The following SHISA9 variants were observed in gnomAD, a reference collection of about 807,000 sequenced individuals.
SHISA9 encodes protein shisa-9.
SHISA9 carries 13 observed loss-of-function variants against 38.0 expected under a neutral mutation model. That is an observed-to-expected ratio of 0.34 (90% CI 0.22 to 0.54). The LOEUF is 0.54. Ranked by LOEUF, SHISA9 falls within the 20% of genes least tolerant of loss-of-function variation. The pLI is 0.91. For synonymous variants in SHISA9, 275 were observed against 242.0 expected (o/e 1.14, Z -1.27); for missense variants, 538 against 575.8 (o/e 0.93, Z 0.67).
intron 4 of SHISA9, among the ~76,000 whole-genome samples, chr16:13,225,205 C>T (rs1180258630): frequency 1.3e-5 from 2 of 152,162 alleles, no homozygotes; most frequent in East Asian, 1.9e-4. Flanking sequence ...TGCCAGCAAC[C>T]ACCAGAAATT....
intron 2 of SHISA9, among the ~76,000 whole-genome samples, chr16:12,966,857 A>G (rs1423985759): frequency 6.6e-6 from 1 of 152,252 alleles, no homozygotes; most frequent in Non-Finnish European, 1.5e-5. Flanking sequence ...CTGGGTGGTT[A>G]AATATTCATC....
intron 2 of SHISA9, among the ~76,000 whole-genome samples, chr16:13,058,032 T>C (rs1226415476): frequency 6.6e-6 from 1 of 152,206 alleles, no homozygotes; most frequent in African/African-American, 2.4e-5. Flanking sequence ...GTTAAATAAG[T>C]GATTCTTAAT....
At chr16:13,264,653 T>G in the SHISA9 span, among the ~76,000 whole-genome samples, 5 of 152,180 alleles carry the variant, frequency 3.3e-5, no homozygotes, top group Admixed American at 3.3e-4. Context: ...AGTCTTGAGT[T>G]GATTTTTAGA....
chr16:12,937,678 T>C (rs1022031319), intron 2 of SHISA9, among the ~76,000 whole-genome samples: 1 of 152,192 alleles, frequency 6.6e-6, no homozygotes, highest in African/African-American at 2.4e-5. Flanking sequence ...ACTCTGGTGT[T>C]TCTTCCTCTT....
At chr16:13,475,783 T>A in the SHISA9 span, among the ~76,000 whole-genome samples, 1 of 152,152 alleles carries the variant, frequency 6.6e-6, no homozygotes, top group Non-Finnish European at 1.5e-5. Flanking sequence ...AACTAGACAG[T>A]CCCATATGGT....
chr16:13,416,778 AGGAAGGAAGGAAG>A, the SHISA9 span, among the ~76,000 whole-genome samples: 58 of 121,560 alleles, frequency 4.8e-4, 1 homozygote, highest in Admixed American at 4.3e-3. Flanking sequence ...AAGGAAGGGA[AGGAAGGAAGGAAG>A]GGAAGGAAGG....
intron 2 of SHISA9, among the ~76,000 whole-genome samples, chr16:12,938,862 G>A (rs2071570405): frequency 6.6e-6 from 1 of 152,026 alleles, no homozygotes; most frequent in Admixed American, 6.6e-5. Flanking sequence ...ATTTTCCTAG[G>A]AGTCTGTAGT....
chr16:13,221,329 A>T (rs1455281322), intron 4 of SHISA9, among the ~76,000 whole-genome samples: 1 of 151,938 alleles, frequency 6.6e-6, no homozygotes, highest in Admixed American at 6.6e-5. Flanking sequence ...CTGCTTAGGA[A>T]ACTCAGGCTT....
the SHISA9 span, among the ~76,000 whole-genome samples, chr16:13,437,899 G>A: frequency 4.9e-5 from 6 of 121,520 alleles, no homozygotes; most frequent in Non-Finnish European, 6.8e-5. Flanking sequence ...GAGTTTCACT[G>A]TTTTTGCCCA....
rs188935951 is a variant in SHISA9 at position 12,926,006 on chromosome 16, G to A, written c.691+9191G>A. 9.5e-4 allele frequency among the ~76,000 whole-genome samples: 145 copies of A among 152,180 alleles called. 4 individuals are homozygous for A. The highest frequency in any genetic ancestry group is 3.1e-3 in the African/African-American group (130 of 41,528). ...CTCCCAAAGTGCTGGGATTACAGGC[G>A]TGAGCCACCGTGCCTGGACTGCATT... On this transcript the variant is annotated intron_variant, in intron 2 of 4. Coordinates refer to ENST00000558583, the MANE Select transcript of SHISA9 (RefSeq NM_001145204.3).
the SHISA9 span, among the ~76,000 whole-genome samples, chr16:13,441,894 A>C: frequency 8.0e-4 from 122 of 152,318 alleles, 1 homozygote; most frequent in African/African-American, 2.9e-3. Flanking sequence ...CCCAACCCAA[A>C]GGGATGTGCT....
chr16:13,039,295 C>T (rs1395480483), intron 2 of SHISA9, among the ~76,000 whole-genome samples: 1 of 152,146 alleles, frequency 6.6e-6, no homozygotes, highest in Non-Finnish European at 1.5e-5. Context: ...TCGACTTGAA[C>T]TCTCAAAATT....
chr16:13,078,875 C>G (rs2073614826), intron 2 of SHISA9, among the ~76,000 whole-genome samples: 1 of 152,190 alleles, frequency 6.6e-6, no homozygotes, highest in Non-Finnish European at 1.5e-5. Flanking sequence ...TGGGGGTGCT[C>G]ACAGTCTTCA....
intron 2 of SHISA9, among the ~76,000 whole-genome samples, chr16:13,083,242 A>G (rs2073673821): frequency 6.6e-6 from 1 of 152,170 alleles, no homozygotes; most frequent in Non-Finnish European, 1.5e-5. Flanking sequence ...CTCCAACAGG[A>G]TGGAGACATT....
At chr16:12,976,437 T>C (rs560427815) in intron 2 of SHISA9, among the ~76,000 whole-genome samples, 1 of 152,074 alleles carries the variant, frequency 6.6e-6, no homozygotes, top group African/African-American at 2.4e-5. Context: ...TTTTCTTCTG[T>C]TCTTTTGAGC....
chr16:13,114,471 A>C (rs2141970641), intron 2 of SHISA9, among the ~76,000 whole-genome samples: 1 of 136,606 alleles, frequency 7.3e-6, no homozygotes, highest in Non-Finnish European at 1.6e-5. Flanking sequence ...ATCTCAAAAA[A>C]AAAAAAAAAA....
Position 12,988,333 on chromosome 16 carries a change from C to T in SHISA9, c.691+71518C>T, listed in dbSNP as rs539711571. 6.6e-5 allele frequency among the ~76,000 whole-genome samples: 10 copies of T among 152,272 alleles called. 1 individual carries two copies. Among genetic ancestry groups the T allele is most frequent in the African/African-American group, 1.2e-4 (5 of 41,556 alleles). On this transcript the variant is annotated intron_variant, in intron 2 of 4. Transcript: ENST00000558583. ...ATTCAAATAACATTCTCCCGCAGGT[C>T]GTCCCCTTCTGCCAGTTGGATTTTT...
chr16:13,379,848 C>T, the SHISA9 span, among the ~76,000 whole-genome samples: 1 of 152,012 alleles, frequency 6.6e-6, no homozygotes, highest in East Asian at 1.9e-4. Context: ...AAAATACCGC[C>T]TTAATTAATA....
rs1216201889 is a variant in SHISA9 at position 13,239,371 on chromosome 16, C to A, written c.*3962C>A. ...ATACCCAGTAATGGGATGGCTGGGT[C>A]AAATGGTATTTCTAGTTCTAGATCC... On this transcript the variant is annotated 3_prime_UTR_variant, in exon 5 of 5. Coordinates refer to ENST00000558583, the MANE Select transcript of SHISA9 (RefSeq NM_001145204.3). The A allele has an allele frequency of 9.3e-5, 14 of 151,042 alleles. No homozygotes were observed. Among genetic ancestry groups the A allele is most frequent in the African/African-American group, 3.4e-4 (14 of 41,002 alleles). The allele number at this position is 151,042 out of a possible 1,614,324, so 9.4% of individuals were successfully genotyped here.
Sources: allele counts gnomAD v4.1 joint callset (sites outside exome capture counted in the v4.1 genomes callset), GRCh38; gene constraint gnomAD v4.1.1; transcripts MANE v1.5; gene names NCBI Gene and HGNC (gene_info 2026-07-23, HGNC 2026-07-21).